PARD3B: variants seen among roughly 807,000 people sequenced by gnomAD.
PARD3B encodes the protein partitioning defective 3 homolog B.
PARD3B carries 103 observed loss-of-function variants against 130.2 expected under a neutral mutation model. The observed-to-expected ratio is 0.79, with a 90% CI of 0.67 to 0.93. PARD3B has a LOEUF of 0.93. Ranked by LOEUF, PARD3B falls within the 40% of genes least tolerant of loss-of-function variation. The pLI is 0.00. For synonymous variants in PARD3B, 583 were observed against 553.2 expected (o/e 1.05, Z -0.76); for missense variants, 1,609 against 1,499.2 (o/e 1.07, Z -1.21).
At chr2:204,597,381 G>C (rs1365396980) in intron 1 of PARD3B, among the ~76,000 whole-genome samples, 1 of 152,096 alleles carries the variant, frequency 6.6e-6, no homozygotes, top group African/African-American at 2.4e-5. Context: ...GTTTACTGCT[G>C]AGAGTGCCCC....
At chr2:205,074,333 A>G (rs925615952) in intron 4 of PARD3B, among the ~76,000 whole-genome samples, 4 of 152,328 alleles carry the variant, frequency 2.6e-5, no homozygotes, top group African/African-American at 7.2e-5. Context: ...ATATATTTGC[A>G]TATATCAATG....
chr2:205,442,290 CTTTTTTTT>C (rs71410814), intron 20 of PARD3B, among the ~76,000 whole-genome samples: 27 of 105,990 alleles, frequency 2.5e-4, no homozygotes, highest in African/African-American at 8.5e-4. Flanking sequence ...ACAGGTTTTC[CTTTTTTTT>C]TTTTTTTTTT....
At chr2:205,180,494 T>A (rs1199714225) in intron 13 of PARD3B, among the ~76,000 whole-genome samples, 1 of 152,050 alleles carries the variant, frequency 6.6e-6, no homozygotes. Context: ...CCACTACCAG[T>A]TTTTTTAAGG....
At chr2:205,314,242 G>C (rs572919531) in intron 18 of PARD3B, among the ~76,000 whole-genome samples, 1 of 152,292 alleles carries the variant, frequency 6.6e-6, no homozygotes, top group Non-Finnish European at 1.5e-5. Flanking sequence ...ATGCATGAGA[G>C]ATGAATGTGG....
At chr2:205,184,886 A>G (rs1351931206) in intron 13 of PARD3B, among the ~76,000 whole-genome samples, 2 of 152,094 alleles carry the variant, frequency 1.3e-5, no homozygotes, top group Non-Finnish European at 2.9e-5. Flanking sequence ...AAGTTGAGTA[A>G]TTTGCCAAGT....
chr2:205,002,957 A>G (rs1051934796), intron 3 of PARD3B, among the ~76,000 whole-genome samples: 9 of 152,224 alleles, frequency 5.9e-5, no homozygotes, highest in Non-Finnish European at 1.0e-4. Context: ...ACAAGGCTGC[A>G]CAACACCCAG....
intron 3 of PARD3B, among the ~76,000 whole-genome samples, chr2:204,966,120 T>C (rs550093977): frequency 2.0e-4 from 30 of 152,346 alleles, no homozygotes; most frequent in Non-Finnish European, 4.1e-4. Flanking sequence ...AAAGGTCAGC[T>C]TCTTATTCTT....
Position 205,392,028 on chromosome 2 carries a change from T to C in PARD3B, c.2631-8985T>C, listed in dbSNP as rs79967741. Among the ~76,000 whole-genome samples, 492 of 152,264 alleles carry C rather than the reference T, an allele frequency of 3.2e-3. 2 individuals are homozygous for C. Among genetic ancestry groups the C allele is most frequent in the African/African-American group, 0.011 (476 of 41,560 alleles). ...TTTTGTTTGTTTGGTTTAAAAAATA[T>C]TAGTTATTGGTGATCTGTGCTTTAC... On this transcript the variant is annotated intron_variant, in intron 18 of 22. Transcript: ENST00000406610.
intron 15 of PARD3B, among the ~76,000 whole-genome samples, chr2:205,217,509 A>G (rs939071697): frequency 1.3e-5 from 2 of 152,106 alleles, no homozygotes; most frequent in African/African-American, 4.8e-5. Flanking sequence ...GAATCATAGT[A>G]CCATCTTCAA....
Position 205,128,808 on chromosome 2 carries a change from TA to T in PARD3B, c.1434+3072del, listed in dbSNP as rs1393414713. 2.6e-5 allele frequency among the ~76,000 whole-genome samples: 4 copies of T among 152,342 alleles called. No individual in the cohort carries two copies. Among genetic ancestry groups the T allele is most frequent in the Non-Finnish European group, 4.4e-5 (3 of 68,032 alleles). On this transcript the variant is annotated intron_variant, in intron 10 of 22. Coordinates refer to ENST00000406610, the MANE Select transcript of PARD3B (RefSeq NM_001302769.2). This position sits in a 1 kb window ranked among gnomAD's most constrained non-coding sequence, Gnocchi z 4.5. ...CACTATTTTTGAACAATGATTGTTT[TA>T]TTTTTTTATTATTTTATAATGTATT...
intron 1 of PARD3B, among the ~76,000 whole-genome samples, chr2:204,554,562 A>G (rs543327202): frequency 2.5e-4 from 38 of 151,948 alleles, no homozygotes; most frequent in Non-Finnish European, 4.9e-4. Flanking sequence ...GAATCTGACT[A>G]CTTTTCAGTC....
intron 15 of PARD3B, among the ~76,000 whole-genome samples, chr2:205,223,979 G>A (rs1377105700): frequency 1.3e-5 from 2 of 151,216 alleles, no homozygotes; most frequent in Admixed American, 6.6e-5. Context: ...AGGAGAAATG[G>A]CATGAACCCA....
intron 18 of PARD3B, among the ~76,000 whole-genome samples, chr2:205,398,882 T>C (rs2046133572): frequency 6.6e-6 from 1 of 152,198 alleles, no homozygotes; most frequent in Non-Finnish European, 1.5e-5. Context: ...AATTTATATG[T>C]CAGGTCCTCA....
In PARD3B at chr2:205,321,601, C is replaced by G. The variant is rs1236054297; in HGVS notation, c.2630+19900C>G. On this transcript the variant is annotated intron_variant, in intron 18 of 22. Coordinates refer to ENST00000406610, the MANE Select transcript of PARD3B (RefSeq NM_001302769.2). The surrounding 1 kb of genome is among the most constrained non-coding windows in gnomAD (Gnocchi z 4.2). ...TGATGTCTTTTTATCCTTAAGTGTACTTTGAAGCTAGGACTATCACTGTAT... is the reference window on the plus strand; with the variant it reads ...TGATGTCTTTTTATCCTTAAGTGTAGTTTGAAGCTAGGACTATCACTGTAT... Among the ~76,000 whole-genome samples, 1 of 152,064 alleles carries G rather than the reference C, an allele frequency of 6.6e-6. No individual in the cohort carries two copies. Among genetic ancestry groups the G allele is most frequent in the Non-Finnish European group, 1.5e-5 (1 of 68,020 alleles).
chr2:204,707,721 G>A (rs1267822595), intron 2 of PARD3B, among the ~76,000 whole-genome samples: 1 of 152,124 alleles, frequency 6.6e-6, no homozygotes, highest in Admixed American at 6.5e-5. Flanking sequence ...AATTATGTCT[G>A]TGGAGATTTG....
intron 19 of PARD3B, among the ~76,000 whole-genome samples, chr2:205,402,531 GA>G (rs949482471): frequency 6.6e-6 from 1 of 152,052 alleles, no homozygotes; most frequent in African/African-American, 2.4e-5. Context: ...TGGGACAGGG[GA>G]AAAAAACTCT....
chr2:204,636,930 C>T (rs888106401), intron 1 of PARD3B, among the ~76,000 whole-genome samples: 3 of 152,120 alleles, frequency 2.0e-5, no homozygotes, highest in African/African-American at 7.2e-5. Flanking sequence ...TTATGGCGCT[C>T]ATTTTCATTC....
intron 2 of PARD3B, among the ~76,000 whole-genome samples, chr2:204,707,022 T>A (rs1276035698): frequency 6.6e-6 from 1 of 152,208 alleles, no homozygotes; most frequent in Non-Finnish European, 1.5e-5. Flanking sequence ...CAGGAATGAC[T>A]GAGATGAATG....
At chr2:204,611,053 A>G (rs944704682) in intron 1 of PARD3B, among the ~76,000 whole-genome samples, 1 of 152,156 alleles carries the variant, frequency 6.6e-6, no homozygotes. Flanking sequence ...ATAATTCTAT[A>G]TCCAGGTCAG....
Sources: gnomAD v4.1 joint callset for allele counts (sites outside exome capture counted in the v4.1 genomes callset) on GRCh38, gnomAD v4.1.1 for gene constraint, Gnocchi (gnomAD v3.1) non-coding constraint, MANE v1.5 for transcripts, NCBI Gene and HGNC (gene_info 2026-07-23, HGNC 2026-07-21) for gene names.